The following SLC35B4 variants were observed in gnomAD, a reference collection of about 807,000 sequenced individuals.
SLC35B4 encodes the protein nucleotide sugar transporter SLC35B4.
SLC35B4 carries 28 observed loss-of-function variants against 39.5 expected under a neutral mutation model. The ratio of observed to expected loss-of-function variants is 0.71; its 90% CI spans 0.53 to 0.97. SLC35B4 has a LOEUF of 0.97. Ranked by LOEUF, SLC35B4 falls within the 50% of genes least tolerant of loss-of-function variation. The pLI, the probability that SLC35B4 is intolerant of heterozygous loss-of-function variation, is 0.00. For synonymous variants in SLC35B4, 145 were observed against 150.4 expected (o/e 0.96, Z 0.26); for missense variants, 334 against 414.3 (o/e 0.81, Z 1.68).
chr7:134,317,596 C>A (rs368447147), upstream of SLC35B4, among the ~76,000 whole-genome samples: 1 of 152,208 alleles, frequency 6.6e-6, no homozygotes. Context: ...CACCTGGGGG[C>A]TTTGAAAACT....
chr7:134,296,354 T>C, intron 9 of SLC35B4, 37 bp downstream of exon 9: 1 of 1,559,922 alleles, frequency 6.4e-7, no homozygotes, highest in Non-Finnish European at 8.8e-7. Context: ...AAGAACCTGA[T>C]GATGACATAA....
At chr7:134,306,339 TAAG>T (rs1349068165) in intron 3 of SLC35B4, among the ~76,000 whole-genome samples, 2 of 151,508 alleles carry the variant, frequency 1.3e-5, no homozygotes, top group African/African-American at 4.8e-5. Context: ...GAAGAAGAGA[TAAG>T]AAATAAGTTA....
chr7:134,315,814 C>CT (rs1408608792), intron 1 of SLC35B4, among the ~76,000 whole-genome samples: 1 of 152,160 alleles, frequency 6.6e-6, no homozygotes, highest in African/African-American at 2.4e-5. Flanking sequence ...ACTTGAAGGG[C>CT]TACACAGCCA....
upstream of SLC35B4, among the ~76,000 whole-genome samples, chr7:134,317,232 C>T (rs1804010501): frequency 1.3e-5 from 2 of 152,230 alleles, no homozygotes; most frequent in Admixed American, 1.3e-4. Context: ...GCAGCGGCGG[C>T]ACTAGAACTA....
Position 134,309,455 on chromosome 7 carries a change from A to T in SLC35B4, c.102T>A (p.Ile34=). The change falls in exon 2 of 10, where the codon ATT becomes ATA. Residue 34 remains isoleucine, a synonymous_variant. Transcript: ENST00000378509. ...LARKHPGCGN[I]VTFAQFLFIA... ...TAAATAAAAATTGTGCAAATGTCAC[A>T]ATGTTCCCACATCCTGGATGCTTCC... The T allele has an allele frequency of 1.9e-6, 3 of 1,610,814 alleles. No homozygotes were observed. The highest frequency in any genetic ancestry group is 2.5e-6 in the Non-Finnish European group (3 of 1,179,576).
chr7:134,308,616 C>A (rs1425651186), intron 2 of SLC35B4, among the ~76,000 whole-genome samples: 2 of 152,164 alleles, frequency 1.3e-5, no homozygotes, highest in Non-Finnish European at 2.9e-5. Context: ...TGGGCCTTTG[C>A]CTTCATACTT....
chr7:134,292,948 C>T lies in SLC35B4; in HGVS notation c.*1885G>A, dbSNP rs951749943. 6 of 152,102 alleles carry T rather than the reference C, an allele frequency of 3.9e-5. No individual in the cohort carries two copies. The highest frequency in any genetic ancestry group is 6.6e-5 in the Admixed American group (1 of 15,254). The allele number at this position is 152,102 out of a possible 1,614,324, so 9.4% of individuals were successfully genotyped here. ...ATATCCACATTTTAAGTAACAAAAA[C>T]CCGAGGCAGCTTAAATGACTTCTCC... is the stretch of plus-strand genomic sequence containing the variant. On this transcript the variant is annotated 3_prime_UTR_variant, in exon 10 of 10. Coordinates refer to ENST00000378509, the MANE Select transcript of SLC35B4 (RefSeq NM_032826.5).
upstream of SLC35B4, chr7:134,317,172 C>T (rs1477474846): frequency 5.5e-6 from 1 of 183,040 alleles, no homozygotes; most frequent in Non-Finnish European, 1.1e-5. Flanking sequence ...TGCGAGACCG[C>T]CCAGAGCGCT....
upstream of SLC35B4, among the ~76,000 whole-genome samples, chr7:134,317,319 A>G (rs1357909097): frequency 6.6e-6 from 1 of 151,804 alleles, no homozygotes; most frequent in Admixed American, 6.6e-5. Flanking sequence ...ATATATATGT[A>G]TCTTTGGTGA....
At chr7:134,310,845 C>G (rs1476411167) in intron 1 of SLC35B4, among the ~76,000 whole-genome samples, 1 of 152,176 alleles carries the variant, frequency 6.6e-6, no homozygotes, top group Non-Finnish European at 1.5e-5. Context: ...CCACACCCGG[C>G]CTCTGTATTT....
rs1803340501 is a variant in SLC35B4, at chr7:134,291,955, C to T, written c.*2878G>A. The T allele has an allele frequency of 6.6e-6, 1 of 152,414 alleles. No individual in the cohort carries two copies. Among genetic ancestry groups the T allele is most frequent in the South Asian group, 2.1e-4 (1 of 4,834 alleles). 9.4% of individuals were successfully genotyped at this position (152,414 alleles called of 1,614,324 possible). Reference sequence around the variant, plus strand: ...ACACTGTCAAGTTGTTCAGCAGGCACACAGGTGCACACACACACACTGTAT... The same window carrying T: ...ACACTGTCAAGTTGTTCAGCAGGCATACAGGTGCACACACACACACTGTAT... On this transcript the variant is annotated 3_prime_UTR_variant, in exon 10 of 10. Coordinates refer to ENST00000378509, the MANE Select transcript of SLC35B4 (RefSeq NM_032826.5).
At chr7:134,310,567 C>CAT (rs1676116657) in intron 1 of SLC35B4, among the ~76,000 whole-genome samples, 1 of 146,610 alleles carries the variant, frequency 6.8e-6, no homozygotes, top group African/African-American at 2.5e-5. Context: ...TTTTTTGAGA[C>CAT]AGAGTCTCGC....
intron 1 of SLC35B4, 56 bp downstream of exon 1, chr7:134,316,619 C>G: frequency 1.3e-6 from 2 of 1,535,214 alleles, no homozygotes; most frequent in Non-Finnish European, 1.8e-6. Context: ...GACCTCTCCT[C>G]TGGCTTCCTC....
In SLC35B4 at chr7:134,293,980, A is replaced by G. The variant is rs2117272259; in HGVS notation, c.*853T>C. 6.6e-6 allele frequency: 1 copy of G among 152,106 alleles called. No individual in the cohort carries two copies. The highest frequency in any genetic ancestry group is 2.4e-5 in the African/African-American group (1 of 41,474). The allele number at this position is 152,106 out of a possible 1,614,324, so 9.4% of individuals were successfully genotyped here. A position where few individuals can be genotyped will look rare whatever the true frequency, so the allele number is the denominator to read the frequency against. ...GCTAATTTTCGTATTTTTAGTAGAGATGGGGTTTCACCATGTTGGCCAGAT... is the reference window on the plus strand; with the variant it reads ...GCTAATTTTCGTATTTTTAGTAGAGGTGGGGTTTCACCATGTTGGCCAGAT... On this transcript the variant is annotated 3_prime_UTR_variant, in exon 10 of 10. Transcript: ENST00000378509.
At chr7:134,295,788 A>G (rs1189058216) in intron 9 of SLC35B4, among the ~76,000 whole-genome samples, 1 of 152,024 alleles carries the variant, frequency 6.6e-6, no homozygotes, top group Non-Finnish European at 1.5e-5. Context: ...GGACACCAAA[A>G]AATCACAGGT....
chr7:134,306,862 G>A (rs936924455), intron 2 of SLC35B4, 88 bp from the exon 3 acceptor site: 2 of 1,085,752 alleles, frequency 1.8e-6, no homozygotes, highest in East Asian at 2.6e-5. Flanking sequence ...GGCTAAAAAG[G>A]CATTTTGCCT....
At chr7:134,319,711 A>G (rs1351720970), upstream of SLC35B4, among the ~76,000 whole-genome samples, 1 of 152,220 alleles carries the variant, frequency 6.6e-6, no homozygotes, top group African/African-American at 2.4e-5. Flanking sequence ...CCATTAGGGC[A>G]TACACATTTC....
Position 134,316,890 on chromosome 7 carries a change from C to T in SLC35B4, c.-139G>A. ...AAGCCGCTCTCACTGGGGGCCGCCG[C>T]GGTCTCCCCTTCTCCCGCGGCCAAC... is the stretch of plus-strand genomic sequence containing the variant. On this transcript the variant is annotated 5_prime_UTR_variant, in exon 1 of 10. Coordinates refer to ENST00000378509, the MANE Select transcript of SLC35B4 (RefSeq NM_032826.5). 1.3e-6 allele frequency: 1 copy of T among 768,182 alleles called. No homozygotes were observed. Among genetic ancestry groups the T allele is most frequent in the Non-Finnish European group, 2.1e-6 (1 of 479,768 alleles). 47.6% of individuals were successfully genotyped at this position (768,182 alleles called of 1,614,324 possible).
At chr7:134,312,926 C>T (rs1363966121) in intron 1 of SLC35B4, among the ~76,000 whole-genome samples, 1 of 152,148 alleles carries the variant, frequency 6.6e-6, no homozygotes, top group African/African-American at 2.4e-5. Context: ...AATGTTAGGA[C>T]ACTCCCAAGA....
Sources: allele counts gnomAD v4.1 joint callset (sites outside exome capture counted in the v4.1 genomes callset), GRCh38; gene constraint gnomAD v4.1.1; transcripts MANE v1.5; gene names NCBI Gene and HGNC (gene_info 2026-07-23, HGNC 2026-07-21).